LMNB2: variants seen among roughly 807,000 people sequenced by gnomAD.
The protein encoded by LMNB2 is lamin-B2.
Under a neutral mutation model 69.3 loss-of-function variants are expected in LMNB2, and 17 were observed. The ratio of observed to expected loss-of-function variants is 0.25; its 90% confidence interval spans 0.17 to 0.37. LMNB2 has a LOEUF of 0.37. LMNB2 is among the 10% of genes least tolerant of loss of function. The probability of loss-of-function intolerance (pLI) is 1.00; values close to 1 mark genes in which losing one functional copy is unlikely to be tolerated. For missense variants in LMNB2, 789 were observed against 883.6 expected (o/e 0.89, Z 1.36); for synonymous variants, 397 against 389.3 (o/e 1.02, Z -0.23).
chr19:2,431,754 C>T (rs753609214), intron 10 of LMNB2, 29 bp downstream of exon 10: 16 of 1,613,580 alleles, frequency 9.9e-6, no homozygotes, highest in African/African-American at 4.0e-5. Flanking sequence ...GGACTCCAGC[C>T]GAGCACCCCC....
At chr19:2,438,590 C>A in intron 2 of LMNB2, 59 bp from the exon 3 acceptor site, 1 of 1,582,330 alleles carries the variant, frequency 6.3e-7, no homozygotes. Flanking sequence ...CCACAGGGAG[C>A]ACCTCAGGGG....
chr19:2,451,230 C>T (rs1171093687), intron 1 of LMNB2, among the ~76,000 whole-genome samples: 5 of 152,098 alleles, frequency 3.3e-5, no homozygotes, highest in Non-Finnish European at 4.4e-5. Context: ...GCCTGGAAAA[C>T]GAGACTGTCT....
At chr19:2,437,674 G>A (rs148121770) in intron 4 of LMNB2, among the ~76,000 whole-genome samples, 2,635 of 152,040 alleles carry the variant, frequency 0.017, 56 homozygotes, top group African/African-American at 0.058. Flanking sequence ...GGTGGTGCAC[G>A]CCTATAATCC....
intron 11 of LMNB2, among the ~76,000 whole-genome samples, chr19:2,431,203 T>C (rs899722625): frequency 6.6e-6 from 1 of 152,198 alleles, no homozygotes; most frequent in African/African-American, 2.4e-5. Flanking sequence ...TCTGCACTCA[T>C]CTTCTCCCCA....
At position 2,438,237 on chromosome 19, in the gene LMNB2, T is replaced by A. The variant is rs1436545464; in HGVS notation, c.610A>T (p.Met204Leu). Residue 204 changes from methionine to leucine, a missense_variant, in exon 4 of 12, where the codon ATG (methionine) becomes TTG (leucine). By Grantham distance (15) the Met-to-Leu change is conservative (BLOSUM62 2). Around this residue, in one of 3 missense-constraint regions of LMNB2, gnomAD observed 609 missense variants for 630.9 expected, o/e 0.97. Coordinates refer to ENST00000325327, the MANE Select transcript of LMNB2 (RefSeq NM_032737.4). ...CAGCGGTTCTCCAGGTCCACACGCATCAGCGTCTCCTTCTCCAGCTGCTTT... is the reference window on the plus strand; with the variant it reads ...CAGCGGTTCTCCAGGTCCACACGCAACAGCGTCTCCTTCTCCAGCTGCTTT... ...AKKQLEKETL[M>L]RVDLENRCQS... The A allele has an allele frequency of 6.2e-7, 1 of 1,614,084 alleles. No individual in the cohort carries two copies. The highest frequency in any genetic ancestry group is 8.5e-7 in the Non-Finnish European group (1 of 1,180,034).
rs997736230 is a variant in LMNB2 at position 2,449,699 on chromosome 19, C to T, written c.265-5159G>A. Among the ~76,000 whole-genome samples, 8 of 152,038 alleles carry T rather than the reference C, an allele frequency of 5.3e-5. No homozygotes were observed. The South Asian group carries it at 1.0e-3, about 20-fold the overall frequency. On this transcript the variant is annotated intron_variant, in intron 1 of 11. Transcript: ENST00000325327. ...GGCTGAGACAGGAGAATCACTTGAACCCGGGAGGCAGAGGTTGCAGTGAGC... is the reference window on the plus strand; with the variant it reads ...GGCTGAGACAGGAGAATCACTTGAATCCGGGAGGCAGAGGTTGCAGTGAGC...
chr19:2,434,378 C>G lies in LMNB2; in HGVS notation c.1119G>C (p.Glu373Asp). 3 of 1,613,364 alleles carry G rather than the reference C, an allele frequency of 1.9e-6. No individual in the cohort carries two copies. The highest frequency in any genetic ancestry group is 2.5e-6 in the Non-Finnish European group (3 of 1,180,010). The change falls in exon 7 of 12, where the codon GAG (glutamate) becomes GAC (aspartate). Residue 373 changes from glutamate (E) to aspartate (D), a missense_variant. By Grantham distance (45) the Glu-to-Asp change is conservative. This residue lies in a region of LMNB2 where 609 missense variants were observed against 630.9 expected (regional missense o/e 0.97). Transcript: ENST00000325327. ...GCTTCACGTCCAGCAGCTCCTGGTA[C>G]TCGGCCAGCTGCTGCTGCATCACGT... ...MRDVMQQQLA[E>D]YQELLDVKLA...
Position 2,431,917 on chromosome 19 carries a change from A to C in LMNB2, c.1591-15T>G. 6.2e-7 allele frequency: 1 copy of C among 1,607,004 alleles called. No individual in the cohort carries two copies. Among genetic ancestry groups the C allele is most frequent in the Non-Finnish European group, 8.5e-7 (1 of 1,179,078 alleles). On this transcript the variant is annotated splice_polypyrimidine_tract_variant and intron_variant, in intron 9 of 11. Coordinates refer to ENST00000325327, the MANE Select transcript of LMNB2 (RefSeq NM_032737.4). Reference sequence around the variant, plus strand: ...GCTGCCCACACCTGAGGACCCAATAACAATGGCCCCATCAGGGTCACCTCT... The same window carrying C: ...GCTGCCCACACCTGAGGACCCAATACCAATGGCCCCATCAGGGTCACCTCT...
At chr19:2,433,169 C>T (rs1288644222) in intron 8 of LMNB2, among the ~76,000 whole-genome samples, 1 of 102,738 alleles carries the variant, frequency 9.7e-6, no homozygotes, top group Non-Finnish European at 2.0e-5. Context: ...CACCCCGTTA[C>T]CCCCATGCCC....
At chr19:2,448,390 G>C (rs1339679482) in intron 1 of LMNB2, among the ~76,000 whole-genome samples, 1 of 152,166 alleles carries the variant, frequency 6.6e-6, no homozygotes, top group African/African-American at 2.4e-5. Context: ...CGAGGCAGAG[G>C]GGCCAGGATG....
chr19:2,438,645 C>A (rs1971857455), intron 2 of LMNB2, 114 bp from the exon 3 acceptor site: 3 of 1,295,650 alleles, frequency 2.3e-6, no homozygotes, highest in Non-Finnish European at 1.1e-6. Flanking sequence ...CCTCCGAGCC[C>A]CAGACCTTCC....
intron 1 of LMNB2, among the ~76,000 whole-genome samples, chr19:2,450,200 C>G (rs1476943074): frequency 6.6e-6 from 1 of 151,950 alleles, no homozygotes; most frequent in Non-Finnish European, 1.5e-5. Context: ...ACACAAACCC[C>G]CATTGAGGAA....
chr19:2,434,966 C>A, intron 5 of LMNB2, 35 bp downstream of exon 5: 2 of 1,588,090 alleles, frequency 1.3e-6, no homozygotes, highest in South Asian at 2.2e-5. Flanking sequence ...GGGGTTCCCA[C>A]CGGCCGCCCC....
intron 1 of LMNB2, among the ~76,000 whole-genome samples, chr19:2,446,979 A>G (rs1971963734): frequency 6.6e-6 from 1 of 151,936 alleles, no homozygotes; most frequent in Non-Finnish European, 1.5e-5. Context: ...TCTCTACTAA[A>G]AAAACATACA....
At position 2,435,119 on chromosome 19, in the gene LMNB2, C is replaced by A; in HGVS notation, c.737G>T (p.Ser246Ile). Reference protein sequence around the residue: ...RHERRLVEVDSSRQQEYDFKM... With the variant: ...RHERRLVEVDISRQQEYDFKM... ...GAAGTCGTACTCCTGCTGCCGGCTG[C>A]TGTCCACCTCCACCAGGCGCCGCTC... The change falls in exon 5 of 12, where the codon AGC becomes ATC. Residue 246 changes from serine (S) to isoleucine (I), a missense_variant. Around this residue, in one of 3 missense-constraint regions of LMNB2, gnomAD observed 609 missense variants for 630.9 expected, o/e 0.97. Transcript: ENST00000325327. 1 of 1,608,154 alleles carries A rather than the reference C, an allele frequency of 6.2e-7. No homozygotes were observed.
intron 1 of LMNB2, among the ~76,000 whole-genome samples, chr19:2,450,595 T>G (rs1239519163): frequency 6.6e-6 from 1 of 151,690 alleles, no homozygotes; most frequent in Non-Finnish European, 1.5e-5. Flanking sequence ...CTGGTCAACA[T>G]GGTGAAACCC....
rs537279141 is a variant in LMNB2 at position 2,433,735 on chromosome 19, C to T, written c.1482+91G>A. On this transcript the variant is annotated intron_variant, in intron 8 of 11. Coordinates refer to ENST00000325327, the MANE Select transcript of LMNB2 (RefSeq NM_032737.4). ...ATTCCGGTCACCTTGTCCCCTGCCT[C>T]GCATTGGCCGGCAGCCCCGTCACCC... is the stretch of plus-strand genomic sequence containing the variant. The T allele has an allele frequency of 8.8e-6, 13 of 1,481,252 alleles. No individual in the cohort carries two copies. The East Asian group carries it at 1.2e-4, about 13-fold the overall frequency. The allele number at this position is 1,481,252 out of a possible 1,614,324, so 91.8% of individuals were successfully genotyped here.
At position 2,442,544 on chromosome 19, in the gene LMNB2, G is replaced by T. The variant is rs528973838; in HGVS notation, c.401+1860C>A. ...AGATTGCACCACTGCACTCCAGCCT[G>T]GGTGACAGAGCAAGACTATGTCTCA... On this transcript the variant is annotated intron_variant, in intron 2 of 11. Coordinates refer to ENST00000325327, the MANE Select transcript of LMNB2 (RefSeq NM_032737.4). Among the ~76,000 whole-genome samples the T allele has an allele frequency of 3.3e-5, 5 of 152,210 alleles. No homozygotes were observed. The East Asian group carries it at 9.6e-4, about 29-fold the overall frequency.
In LMNB2 at chr19:2,438,232, A is replaced by G. The variant is rs367692230; in HGVS notation, c.615T>C (p.Arg205=). ...TCTGGCAGCGGTTCTCCAGGTCCAC[A>G]CGCATCAGCGTCTCCTTCTCCAGCT... ...KKQLEKETLM[R]VDLENRCQSL... Residue 205 remains arginine (R), a synonymous_variant, in exon 4 of 12, where the codon CGT becomes CGC. Transcript: ENST00000325327. 7.5e-5 allele frequency: 121 copies of G among 1,613,944 alleles called. No individual in the cohort carries two copies. The highest frequency in any genetic ancestry group is 9.7e-5 in the Non-Finnish European group (114 of 1,180,044).
Sources: allele counts gnomAD v4.1 joint callset (sites outside exome capture counted in the v4.1 genomes callset), GRCh38; gene constraint gnomAD v4.1.1; regional missense constraint gnomAD v4.1.1; transcripts MANE v1.5; gene names NCBI Gene and HGNC (gene_info 2026-07-23, HGNC 2026-07-21).